PM20D2: variants seen among roughly 807,000 people sequenced by gnomAD.
The protein encoded by PM20D2 is xaa-Arg dipeptidase.
A neutral mutation model predicts 42.9 loss-of-function variants in PM20D2; 33 were observed. That is an observed-to-expected ratio of 0.77 (90% confidence interval 0.58 to 1.03). The LOEUF is 1.03. Among genes scored for constraint, PM20D2 ranks in the 50% least tolerant of loss-of-function variants. PM20D2 has a pLI of 0.00. For missense variants in PM20D2, 548 were observed against 557.0 expected (o/e 0.98, Z 0.16); for synonymous variants, 250 against 228.2 (o/e 1.10, Z -0.86).
At chr6:89,105,185 T>C in the PM20D2 span, 1 of 1,612,434 alleles carries the variant, frequency 6.2e-7, no homozygotes, top group Non-Finnish European at 8.5e-7. Context: ...AGTTCTTCTT[T>C]GGCTGGGGCT....
the PM20D2 span, among the ~76,000 whole-genome samples, chr6:89,101,109 C>CAAAAAAAAAAA: frequency 5.5e-5 from 3 of 54,556 alleles, no homozygotes; most frequent in East Asian, 5.8e-4. Context: ...ACCTCCAAGA[C>CAAAAAAAAAAA]AAAAAAAAAA....
chr6:89,115,647 T>TTTTTTTTTTTTC, the PM20D2 span, among the ~76,000 whole-genome samples: 1 of 129,038 alleles, frequency 7.7e-6, no homozygotes, highest in South Asian at 2.5e-4. Flanking sequence ...TTTTTTTTTT[T>TTTTTTTTTTTTC]TTTTTTGAGA....
At chr6:89,119,767 CCACTTCTGTCTT>C in the PM20D2 span, among the ~76,000 whole-genome samples, 1 of 152,222 alleles carries the variant, frequency 6.6e-6, no homozygotes, top group Admixed American at 6.5e-5. Flanking sequence ...GATCCAGTCT[CCACTTCTGTCTT>C]CACATGGCCT....
the PM20D2 span, among the ~76,000 whole-genome samples, chr6:89,132,697 G>C: frequency 2.4e-3 from 362 of 150,406 alleles, 29 homozygotes; most frequent in African/African-American, 8.6e-3. Context: ...AATTAGCTGG[G>C]TGTGGTGGCA....
the PM20D2 span, among the ~76,000 whole-genome samples, chr6:89,132,166 A>G: frequency 6.6e-6 from 1 of 152,204 alleles, no homozygotes; most frequent in African/African-American, 2.4e-5. Context: ...CCACTCAAGA[A>G]AAAAGGAGAT....
rs397888770 is a variant in PM20D2, at chr6:89,147,979, CTTTTT to C, written c.466-1268_466-1264del. On this transcript the variant is annotated intron_variant, in intron 1 of 6. Coordinates refer to ENST00000275072, the MANE Select transcript of PM20D2 (RefSeq NM_001010853.3). ...AGCTAAACTTTGAGAAATGTACACT[CTTTTT>C]TTTTTTTTTTTTTTTTTGAGACAGT... Among the ~76,000 whole-genome samples, 159 of 95,162 alleles carry C rather than the reference CTTTTT, an allele frequency of 1.7e-3. 1 individual carries two copies. The highest frequency in any genetic ancestry group is 5.0e-3 in the African/African-American group (117 of 23,364). The allele number at this position is 95,162 out of a possible 152,430, so 62.4% of individuals were successfully genotyped here. A position where few individuals can be genotyped will look rare whatever the true frequency, so the allele number is the denominator to read the frequency against.
At position 89,162,393 on chromosome 6, in the gene PM20D2, G is replaced by C. The variant is rs1374542506; in HGVS notation, c.*130G>C. ...CTTTTTACCTGATAAGTGAGGACAG[G>C]GTGTGGAGAAAACATATTAATTACC... On this transcript the variant is annotated 3_prime_UTR_variant, in exon 7 of 7. Transcript: ENST00000275072. 3.1e-6 allele frequency: 3 copies of C among 976,242 alleles called. No individual in the cohort carries two copies. The highest frequency in any genetic ancestry group is 4.4e-6 in the Non-Finnish European group (3 of 686,878). 60.5% of individuals were successfully genotyped at this position (976,242 alleles called of 1,614,324 possible).
chr6:89,094,440 G>C, the PM20D2 span, among the ~76,000 whole-genome samples: 2 of 151,752 alleles, frequency 1.3e-5, no homozygotes, highest in African/African-American at 4.8e-5. Context: ...GGCTGGTCTC[G>C]AACCCCTGGC....
chr6:89,115,306 G>A, the PM20D2 span, among the ~76,000 whole-genome samples: 3 of 151,954 alleles, frequency 2.0e-5, no homozygotes, highest in South Asian at 4.2e-4. Flanking sequence ...TTTTGAGACA[G>A]AGTCTCACTC....
At chr6:89,116,888 T>C in the PM20D2 span, among the ~76,000 whole-genome samples, 6 of 152,178 alleles carry the variant, frequency 3.9e-5, no homozygotes, top group African/African-American at 1.2e-4. Context: ...CATGTATCTA[T>C]ACCTCTCTGG....
At chr6:89,151,436 C>G (rs1352782034) in intron 2 of PM20D2, among the ~76,000 whole-genome samples, 2 of 151,956 alleles carry the variant, frequency 1.3e-5, no homozygotes, top group African/African-American at 2.4e-5. Context: ...CCATGTTGGC[C>G]AGGCTGGTCT....
chr6:89,158,419 T>A lies in PM20D2; in HGVS notation c.1007T>A (p.Ile336Lys). ...ATGGAAAATGGAAGAAAGCTAGGAATAGAGTTCATTTCAGAAGATACAATG... is the reference window on the plus strand; with the variant it reads ...ATGGAAAATGGAAGAAAGCTAGGAAAAGAGTTCATTTCAGAAGATACAATG... ...AYMENGRKLG[I>K]EFISEDTMLN... Residue 336 changes from isoleucine (I) to lysine (K), a missense_variant, in exon 5 of 7, where the codon ATA (isoleucine) becomes AAA (lysine). By Grantham distance (102) the Ile-to-Lys change is moderately radical (BLOSUM62 -3). Around this residue, in one of 3 missense-constraint regions of PM20D2, gnomAD observed 470 missense variants for 464.4 expected, o/e 1.01. Transcript: ENST00000275072. 6.2e-7 allele frequency: 1 copy of A among 1,612,358 alleles called. No homozygotes were observed. The highest frequency in any genetic ancestry group is 8.5e-7 in the Non-Finnish European group (1 of 1,179,560).
the PM20D2 span, among the ~76,000 whole-genome samples, chr6:89,112,976 T>C: frequency 2.0e-5 from 3 of 152,212 alleles, no homozygotes; most frequent in African/African-American, 7.2e-5. Context: ...TACAGGTATG[T>C]AGCCTAGAAG....
At chr6:89,107,393 G>T in the PM20D2 span, 1 of 654,774 alleles carries the variant, frequency 1.5e-6, no homozygotes, top group Non-Finnish European at 2.6e-6. Flanking sequence ...TTTTTTGTAA[G>T]AATCATGCAA....
intron 4 of PM20D2, among the ~76,000 whole-genome samples, chr6:89,155,629 G>A (rs1771019764): frequency 6.6e-6 from 1 of 152,124 alleles, no homozygotes; most frequent in Non-Finnish European, 1.5e-5. Flanking sequence ...GTATAGTAGT[G>A]ATATAAATAC....
chr6:89,112,167 C>A, the PM20D2 span, among the ~76,000 whole-genome samples: 57 of 152,080 alleles, frequency 3.7e-4, no homozygotes, highest in Non-Finnish European at 7.4e-5. Context: ...CCGCCCGCCT[C>A]GGCCTCCCAA....
the PM20D2 span, among the ~76,000 whole-genome samples, chr6:89,094,492 T>C: frequency 4.0e-4 from 61 of 152,290 alleles, 1 homozygote; most frequent in Admixed American, 3.5e-3. Context: ...CCCAAAGTGC[T>C]GGGATTACAG....
the PM20D2 span, among the ~76,000 whole-genome samples, chr6:89,132,476 A>T: frequency 7.9e-5 from 12 of 151,288 alleles, 1 homozygote; most frequent in African/African-American, 2.7e-4. Flanking sequence ...GCACCATCAC[A>T]TCCTAAAAAC....
At chr6:89,124,308 A>G in the PM20D2 span, among the ~76,000 whole-genome samples, 1 of 152,242 alleles carries the variant, frequency 6.6e-6, no homozygotes, top group African/African-American at 2.4e-5. Flanking sequence ...CTCTCACACT[A>G]TGCAATTCCA....
Sources: gnomAD v4.1 joint callset for allele counts (sites outside exome capture counted in the v4.1 genomes callset) on GRCh38, gnomAD v4.1.1 for gene constraint, gnomAD v4.1.1 regional missense constraint, MANE v1.5 for transcripts, NCBI Gene and HGNC (gene_info 2026-07-23, HGNC 2026-07-21) for gene names.